GPC6: variants seen among roughly 807,000 people sequenced by gnomAD.
GPC6 encodes the protein glypican-6.
Under a neutral mutation model 55.2 loss-of-function variants are expected in GPC6, and 14 were observed. That is an observed-to-expected ratio of 0.25 (90% CI 0.17 to 0.40). The LOEUF is 0.40. GPC6 is among the 10% of genes least tolerant of loss of function. The pLI is 1.00. For missense variants in GPC6, 641 were observed against 708.5 expected, an observed-to-expected ratio of 0.90 and a Z score of 1.08; for synonymous variants, 278 against 259.6, an observed-to-expected ratio of 1.07 and a Z score of -0.68.
intron 6 of GPC6, among the ~76,000 whole-genome samples, chr13:94,367,908 T>C (rs1333560314): frequency 6.6e-6 from 1 of 152,020 alleles, no homozygotes. Context: ...CCCAGCACTT[T>C]GGGAGGCTGA....
At chr13:93,985,006 G>C (rs548933250) in intron 3 of GPC6, among the ~76,000 whole-genome samples, 6 of 152,114 alleles carry the variant, frequency 3.9e-5, no homozygotes, top group Non-Finnish European at 8.8e-5. Flanking sequence ...GAACAGCATG[G>C]GGCTGATGTG....
chr13:94,345,139 T>C (rs546935548), intron 6 of GPC6, among the ~76,000 whole-genome samples: 5 of 152,348 alleles, frequency 3.3e-5, no homozygotes, highest in African/African-American at 1.2e-4. Context: ...AAATTCACCC[T>C]GTTTCTCAAT....
chr13:93,927,615 T>C (rs1273046697), intron 3 of GPC6, among the ~76,000 whole-genome samples: 1 of 151,866 alleles, frequency 6.6e-6, no homozygotes, highest in Non-Finnish European at 1.5e-5. Flanking sequence ...GATGAGATTG[T>C]GGATCTACTG....
At chr13:94,381,705 A>G (rs1016093928) in intron 6 of GPC6, among the ~76,000 whole-genome samples, 1 of 152,212 alleles carries the variant, frequency 6.6e-6, no homozygotes, top group African/African-American at 2.4e-5. Context: ...CCAAAATGAA[A>G]TTAAATTCCT....
At chr13:93,513,849 A>G (rs1036199477) in intron 1 of GPC6, among the ~76,000 whole-genome samples, 3 of 149,534 alleles carry the variant, frequency 2.0e-5, no homozygotes, top group African/African-American at 7.4e-5. Flanking sequence ...ATGAAATCCC[A>G]TGAACGAATC....
intron 4 of GPC6, among the ~76,000 whole-genome samples, chr13:94,170,368 G>A (rs1037103144): frequency 2.0e-5 from 3 of 152,196 alleles, no homozygotes; most frequent in Non-Finnish European, 4.4e-5. Flanking sequence ...ATTCATGCCA[G>A]TAACTCAGCC....
At chr13:93,299,168 C>A (rs921792451) in intron 1 of GPC6, among the ~76,000 whole-genome samples, 3 of 152,082 alleles carry the variant, frequency 2.0e-5, no homozygotes, top group Admixed American at 6.5e-5. Flanking sequence ...TCATAAATAC[C>A]TTTAAGTGAC....
chr13:93,795,832 T>C (rs3864993), intron 2 of GPC6, among the ~76,000 whole-genome samples: 49,823 of 151,626 alleles, frequency 0.33, 8,532 homozygotes, highest in African/African-American at 0.43. Flanking sequence ...GTAGATTGTG[T>C]TGGAATTTTA....
intron 2 of GPC6, among the ~76,000 whole-genome samples, chr13:93,782,443 T>C (rs1013205598): frequency 5.9e-5 from 9 of 152,190 alleles, no homozygotes; most frequent in African/African-American, 1.9e-4. Flanking sequence ...CTTTGGATAT[T>C]TATCCAATAG....
At chr13:94,142,819 G>A (rs1375844290) in intron 4 of GPC6, among the ~76,000 whole-genome samples, 2 of 151,566 alleles carry the variant, frequency 1.3e-5, no homozygotes, top group African/African-American at 4.8e-5. Context: ...TTTTGGTCGT[G>A]GACGGCTACT....
At chr13:93,320,426 A>G (rs571661035) in intron 1 of GPC6, among the ~76,000 whole-genome samples, 194 of 152,062 alleles carry the variant, frequency 1.3e-3, no homozygotes, top group Non-Finnish European at 2.3e-3. Flanking sequence ...GCTTCAATTC[A>G]TTAGAGAAAA....
In GPC6 at chr13:93,444,195, C is replaced by CTTT. The variant is rs10659977; in HGVS notation, c.161-101051_161-101049dup. On this transcript the variant is annotated intron_variant, in intron 1 of 8. Transcript: ENST00000377047. ...AGTAAAAAGTCAAAATGCAATTCTT[C>CTTT]TTTTTTTTTTTTTTTTTTTGGTAAA... 2.2e-3 allele frequency among the ~76,000 whole-genome samples: 240 copies of CTTT among 110,658 alleles called. 2 individuals carry two copies. In the East Asian group the frequency reaches 0.043, roughly 20 times the overall value. The allele number at this position is 110,658 out of a possible 152,430, so 72.6% of individuals were successfully genotyped here.
intron 2 of GPC6, among the ~76,000 whole-genome samples, chr13:93,820,732 A>G (rs1887017008): frequency 6.6e-6 from 1 of 151,098 alleles, no homozygotes; most frequent in Admixed American, 6.6e-5. Flanking sequence ...AGTTACTGTG[A>G]GATTTTTTTA....
intron 4 of GPC6, among the ~76,000 whole-genome samples, chr13:94,208,417 A>G (rs1276277913): frequency 6.6e-6 from 1 of 152,152 alleles, no homozygotes; most frequent in Non-Finnish European, 1.5e-5. Flanking sequence ...TTTCAGAAGG[A>G]GGAACAGCTG....
At chr13:93,225,526 T>C (rs931417045), upstream of GPC6, among the ~76,000 whole-genome samples, 1 of 152,050 alleles carries the variant, frequency 6.6e-6, no homozygotes, top group African/African-American at 2.4e-5. Flanking sequence ...TTTTTTTGGT[T>C]TTGTTTTGTC....
intron 2 of GPC6, among the ~76,000 whole-genome samples, chr13:93,809,702 T>C (rs1387029697): frequency 2.0e-5 from 3 of 152,192 alleles, no homozygotes; most frequent in Non-Finnish European, 4.4e-5. Context: ...GCCACCACTG[T>C]CCACTCACTC....
At chr13:94,056,057 C>A (rs765924398) in intron 4 of GPC6, among the ~76,000 whole-genome samples, 3 of 152,184 alleles carry the variant, frequency 2.0e-5, no homozygotes, top group Non-Finnish European at 4.4e-5. Context: ...AGAGCTGGAC[C>A]AGAGGACTGG....
chr13:94,334,976 A>C (rs1048896459), intron 6 of GPC6, among the ~76,000 whole-genome samples: 2 of 152,210 alleles, frequency 1.3e-5, no homozygotes, highest in Admixed American at 6.5e-5. Flanking sequence ...TGCAAATGCA[A>C]CTATTTATTG....
intron 2 of GPC6, among the ~76,000 whole-genome samples, chr13:93,605,441 G>A (rs1878196747): frequency 6.6e-6 from 1 of 152,124 alleles, no homozygotes; most frequent in South Asian, 2.1e-4. Context: ...TTTAAGACTA[G>A]TAGATCTGCT....
Sources: allele counts gnomAD v4.1 joint callset (sites outside exome capture counted in the v4.1 genomes callset), GRCh38; gene constraint gnomAD v4.1.1; transcripts MANE v1.5; gene names NCBI Gene and HGNC (gene_info 2026-07-23, HGNC 2026-07-21).